The following GATAD2B variants were observed in gnomAD, a reference collection of about 807,000 sequenced individuals.
The protein encoded by GATAD2B is transcriptional repressor p66-beta.
GATAD2B carries 8 observed loss-of-function variants against 64.3 expected under a neutral mutation model. The ratio of observed to expected loss-of-function variants is 0.12; its 90% CI spans 0.07 to 0.22. The LOEUF is 0.22. Among genes scored for constraint, GATAD2B ranks in the 10% least tolerant of loss-of-function variants. GATAD2B has a pLI of 1.00. For synonymous variants in GATAD2B, 281 were observed against 271.3 expected, an observed-to-expected ratio of 1.04 and a Z score of -0.35; for missense variants, 453 against 752.0, an observed-to-expected ratio of 0.60 and a Z score of 4.65.
Position 153,897,033 on chromosome 1 carries a change from C to CT in GATAD2B, c.-2+25699dup, listed in dbSNP as rs764620884. On this transcript the variant is annotated intron_variant, in intron 1 of 10. Coordinates refer to ENST00000368655, the MANE Select transcript of GATAD2B (RefSeq NM_020699.4). ...GGGAACTAAAATAGCTCTTAGAACA[C>CT]TTTTTTTTTTTTTTTGAGATGGAGT... 8.5e-3 allele frequency among the ~76,000 whole-genome samples: 1,213 copies of CT among 142,452 alleles called. 12 individuals carry two copies. Among genetic ancestry groups the CT allele is most frequent in the African/African-American group, 0.016 (613 of 38,876 alleles). The allele number at this position is 142,452 out of a possible 152,430, so 93.5% of individuals were successfully genotyped here.
At position 153,839,108 on chromosome 1, in the gene GATAD2B, CAAAAAAAA is replaced by C. The variant is rs35262137; in HGVS notation, c.-1-10768_-1-10761del. Among the ~76,000 whole-genome samples the C allele has an allele frequency of 3.5e-3, 274 of 78,568 alleles. 1 individual carries two copies. The highest frequency in any genetic ancestry group is 4.4e-3 in the Non-Finnish European group (199 of 45,578). 51.5% of individuals were successfully genotyped at this position (78,568 alleles called of 152,430 possible). On this transcript the variant is annotated intron_variant, in intron 1 of 10. Coordinates refer to ENST00000368655, the MANE Select transcript of GATAD2B (RefSeq NM_020699.4). ...TGGGTGACAGAACGAGACCCTGTCT[CAAAAAAAA>C]AAAAAAAAAAAAAAAAAAGAAAGTT...
chr1:153,825,307 C>CCTACTT (rs1481173886), intron 2 of GATAD2B, among the ~76,000 whole-genome samples: 1 of 152,142 alleles, frequency 6.6e-6, no homozygotes, highest in East Asian at 1.9e-4. Flanking sequence ...TAAAAATGAA[C>CCTACTT]CTACTTATAT....
intron 1 of GATAD2B, among the ~76,000 whole-genome samples, chr1:153,866,202 C>CAA (rs68135109): frequency 9.1e-4 from 91 of 99,672 alleles, no homozygotes; most frequent in African/African-American, 2.7e-3. Context: ...CACTAGGTCT[C>CAA]AAAAAAAAAA....
At chr1:153,892,882 A>T (rs759999266) in intron 1 of GATAD2B, among the ~76,000 whole-genome samples, 4 of 151,868 alleles carry the variant, frequency 2.6e-5, no homozygotes, top group Non-Finnish European at 4.4e-5. Flanking sequence ...TTTAGTAGAG[A>T]CGGGGTTTCA....
chr1:153,847,823 C>G (rs1483266192), intron 1 of GATAD2B, among the ~76,000 whole-genome samples: 125 of 152,058 alleles, frequency 8.2e-4, no homozygotes, highest in Admixed American at 8.2e-3. Flanking sequence ...TATATCTATG[C>G]TGCATTCTGT....
intron 1 of GATAD2B, among the ~76,000 whole-genome samples, chr1:153,854,160 T>C (rs1012518497): frequency 6.6e-6 from 1 of 152,096 alleles, no homozygotes; most frequent in Non-Finnish European, 1.5e-5. Context: ...CCCAGCACTT[T>C]GGGAGGCTGA....
intron 1 of GATAD2B, among the ~76,000 whole-genome samples, chr1:153,870,426 A>T (rs1298664382): frequency 6.6e-6 from 1 of 152,148 alleles, no homozygotes; most frequent in East Asian, 1.9e-4. Context: ...TTAAAAAATT[A>T]GCCGGACGTG....
At chr1:153,840,022 CTTTCTT>C (rs1201396664) in intron 1 of GATAD2B, among the ~76,000 whole-genome samples, 1 of 142,372 alleles carries the variant, frequency 7.0e-6, no homozygotes, top group South Asian at 2.2e-4. Context: ...AATGAAAATA[CTTTCTT>C]TTTTTTTTTT....
chr1:153,826,034 C>T (rs972159650), intron 2 of GATAD2B, among the ~76,000 whole-genome samples: 3 of 150,996 alleles, frequency 2.0e-5, no homozygotes, highest in South Asian at 2.1e-4. Flanking sequence ...GACGAAGTCT[C>T]GCTCTGTCGC....
At chr1:153,891,091 G>A (rs1474370976) in intron 1 of GATAD2B, among the ~76,000 whole-genome samples, 2 of 152,028 alleles carry the variant, frequency 1.3e-5, no homozygotes, top group Non-Finnish European at 2.9e-5. Context: ...GGCTGAGGAA[G>A]GAGAACTGCT....
Position 153,828,104 on chromosome 1 carries a change from T to A in GATAD2B, c.244A>T (p.Asn82Tyr). The change falls in exon 2 of 11, where the codon AAT becomes TAT. Residue 82 changes from asparagine (N) to tyrosine (Y), a missense_variant. By Grantham distance (143) the Asn-to-Tyr change is moderately radical. Transcript: ENST00000368655. ...CTGTTGTCTCCATGAGGCCTGAGAT[T>A]CCCGTTAAGTTTTTCTTCATAGCCC... Reference protein sequence around the residue: ...VKGYEEKLNGNLRPHGDNRTA... With the variant: ...VKGYEEKLNGYLRPHGDNRTA... 1 of 1,614,180 alleles carries A rather than the reference T, an allele frequency of 6.2e-7. No individual in the cohort carries two copies. The highest frequency in any genetic ancestry group is 8.5e-7 in the Non-Finnish European group (1 of 1,180,020).
chr1:153,829,096 T>C (rs924943757), intron 1 of GATAD2B, among the ~76,000 whole-genome samples: 1 of 152,010 alleles, frequency 6.6e-6, no homozygotes, highest in African/African-American at 2.4e-5. Context: ...TCCCAGCTAC[T>C]TGGGAGGCTA....
chr1:153,916,509 A>T (rs1280376974), intron 1 of GATAD2B, among the ~76,000 whole-genome samples: 1 of 152,198 alleles, frequency 6.6e-6, no homozygotes. Flanking sequence ...GGAAATGTTG[A>T]GTTTGAGTAC....
intron 1 of GATAD2B, chr1:153,852,240 A>G: frequency 1.6e-6 from 2 of 1,217,126 alleles, no homozygotes; most frequent in South Asian, 1.2e-5. Context: ...TGTTAACAAG[A>G]AATCCATCAA....
intron 1 of GATAD2B, among the ~76,000 whole-genome samples, chr1:153,862,110 A>ATTATATCC (rs1374289610): frequency 7.0e-6 from 1 of 143,426 alleles, no homozygotes; most frequent in South Asian, 2.2e-4. Context: ...TTTTACATAC[A>ATTATATCC]TTATATCCTT....
chr1:153,832,425 C>T (rs1675111455), intron 1 of GATAD2B, among the ~76,000 whole-genome samples: 9 of 152,154 alleles, frequency 5.9e-5, no homozygotes, highest in Admixed American at 5.9e-4. Context: ...TAACTCTCTT[C>T]AATTCTGTGA....
chr1:153,895,365 A>G (rs1677554368), intron 1 of GATAD2B, among the ~76,000 whole-genome samples: 1 of 151,918 alleles, frequency 6.6e-6, no homozygotes, highest in South Asian at 2.1e-4. Context: ...AGAAACTGAT[A>G]AACAAGAGAT....
chr1:153,876,903 T>C (rs1370747253), intron 1 of GATAD2B, among the ~76,000 whole-genome samples: 1 of 152,046 alleles, frequency 6.6e-6, no homozygotes, highest in South Asian at 2.1e-4. Flanking sequence ...CTCGGGAGGC[T>C]GAGGCAGGAG....
In GATAD2B at chr1:153,808,279, G is replaced by C. The variant is rs1674170561; in HGVS notation, c.*1898C>G. The C allele has an allele frequency of 1.3e-5, 2 of 152,456 alleles. No individual in the cohort carries two copies. Among genetic ancestry groups the C allele is most frequent in the Non-Finnish European group, 2.9e-5 (2 of 68,026 alleles). 9.4% of individuals were successfully genotyped at this position (152,456 alleles called of 1,614,324 possible). A position where few individuals can be genotyped will look rare whatever the true frequency, so the allele number is the denominator to read the frequency against. On this transcript the variant is annotated 3_prime_UTR_variant, in exon 11 of 11. Coordinates refer to ENST00000368655, the MANE Select transcript of GATAD2B (RefSeq NM_020699.4). ...GCTCCTTTAAGTGCTCAATGAATTT[G>C]GGGTAAGGGAGGAAAGAAAAAAGCC...
Sources: allele counts gnomAD v4.1 joint callset (sites outside exome capture counted in the v4.1 genomes callset), GRCh38; gene constraint gnomAD v4.1.1; transcripts MANE v1.5; gene names NCBI Gene and HGNC (gene_info 2026-07-23, HGNC 2026-07-21).